Variants in CPQ observed in about 807,000 individuals in gnomAD.
The protein encoded by CPQ is carboxypeptidase Q.
Under a neutral mutation model 45.7 loss-of-function variants are expected in CPQ, and 37 were observed. The ratio of observed to expected loss-of-function variants is 0.81; its 90% confidence interval spans 0.62 to 1.07. CPQ has a LOEUF of 1.07. CPQ is among the 50% of genes least tolerant of loss of function. The pLI is 0.00. For synonymous variants in CPQ, 186 were observed against 205.8 expected, an observed-to-expected ratio of 0.90 and a Z score of 0.82; for missense variants, 537 against 572.9, an observed-to-expected ratio of 0.94 and a Z score of 0.64.
chr8:96,776,783 G>C (rs1156819191), intron 1 of CPQ, among the ~76,000 whole-genome samples: 1 of 152,074 alleles, frequency 6.6e-6, no homozygotes, highest in Non-Finnish European at 1.5e-5. Context: ...GGATTGTGAA[G>C]ACAATATATG....
At chr8:96,851,144 C>T (rs1305216489) in intron 3 of CPQ, among the ~76,000 whole-genome samples, 3 of 152,138 alleles carry the variant, frequency 2.0e-5, no homozygotes, top group Non-Finnish European at 4.4e-5. Flanking sequence ...GCTTTAGACA[C>T]ATTTTACACC....
At chr8:96,982,888 GGTT>G (rs1467418472) in intron 5 of CPQ, among the ~76,000 whole-genome samples, 12 of 152,128 alleles carry the variant, frequency 7.9e-5, no homozygotes, top group African/African-American at 2.9e-4. Context: ...TTTTTTGTAA[GGTT>G]GTTTTTTATT....
At chr8:96,795,227 A>T (rs1384473096) in intron 2 of CPQ, among the ~76,000 whole-genome samples, 2 of 152,244 alleles carry the variant, frequency 1.3e-5, no homozygotes, top group Non-Finnish European at 2.9e-5. Context: ...GGGAAGTCTC[A>T]CAATCATGGT....
intron 3 of CPQ, among the ~76,000 whole-genome samples, chr8:96,872,211 T>G (rs911742662): frequency 7.2e-5 from 11 of 152,058 alleles, no homozygotes; most frequent in African/African-American, 2.6e-4. Flanking sequence ...GTGTTTGAGA[T>G]ACACCTTATA....
intron 4 of CPQ, among the ~76,000 whole-genome samples, chr8:96,931,519 C>T (rs1812975532): frequency 6.6e-6 from 1 of 152,046 alleles, no homozygotes; most frequent in African/African-American, 2.4e-5. Flanking sequence ...TGATACACTC[C>T]TAGGATCACC....
intron 7 of CPQ, among the ~76,000 whole-genome samples, chr8:97,101,572 C>CTTTTTTTTTTTTTTTT (rs5893410): frequency 5.3e-5 from 6 of 114,210 alleles, no homozygotes; most frequent in East Asian, 2.6e-4. Context: ...TTTCTTTTTT[C>CTTTTTTTTTTTTTTTT]TTTTTTTTTT....
intron 6 of CPQ, among the ~76,000 whole-genome samples, chr8:97,039,392 G>C (rs913993539): frequency 9.9e-5 from 15 of 151,252 alleles, no homozygotes; most frequent in African/African-American, 3.6e-4. Context: ...CCATTGGTTT[G>C]CTTACACTAT....
intron 7 of CPQ, among the ~76,000 whole-genome samples, chr8:97,122,975 AT>A (rs1563586908): frequency 1.6e-4 from 13 of 80,280 alleles, no homozygotes; most frequent in African/African-American, 3.3e-4. Context: ...ATAAAATAAA[AT>A]AAAATTAAAA....
chr8:96,843,764 G>A (rs1811648572), intron 3 of CPQ, among the ~76,000 whole-genome samples: 1 of 152,152 alleles, frequency 6.6e-6, no homozygotes, highest in Admixed American at 6.5e-5. Context: ...GAATAATAAT[G>A]TAGATGAGGT....
At chr8:96,835,396 A>T (rs1418162832) in intron 3 of CPQ, among the ~76,000 whole-genome samples, 1 of 152,192 alleles carries the variant, frequency 6.6e-6, no homozygotes, top group Non-Finnish European at 1.5e-5. Flanking sequence ...CATTCCTTTA[A>T]AAAGCTTTAA....
intron 2 of CPQ, 82 bp from the exon 3 acceptor site, chr8:96,834,891 G>A: frequency 8.6e-7 from 1 of 1,164,584 alleles, no homozygotes; most frequent in Non-Finnish European, 1.2e-6. Flanking sequence ...AGCAGAAAGA[G>A]CATGTATGTG....
intron 1 of CPQ, among the ~76,000 whole-genome samples, chr8:96,745,780 A>G (rs1007286629): frequency 6.6e-6 from 1 of 152,260 alleles, no homozygotes; most frequent in African/African-American, 2.4e-5. Flanking sequence ...ATTAAAATTC[A>G]TAAAAAAGTA....
At chr8:96,768,669 A>G (rs1011338984) in intron 1 of CPQ, among the ~76,000 whole-genome samples, 6 of 152,234 alleles carry the variant, frequency 3.9e-5, no homozygotes, top group Non-Finnish European at 7.3e-5. Flanking sequence ...TTAGTGAAGC[A>G]GTATTTTCAT....
At chr8:96,966,799 C>T (rs761338583) in intron 5 of CPQ, among the ~76,000 whole-genome samples, 1 of 152,088 alleles carries the variant, frequency 6.6e-6, no homozygotes, top group African/African-American at 2.4e-5. Context: ...ACACTTTTAC[C>T]ATAATTACCA....
At chr8:96,806,542 A>G (rs1429449069) in intron 2 of CPQ, among the ~76,000 whole-genome samples, 1 of 152,236 alleles carries the variant, frequency 6.6e-6, no homozygotes, top group East Asian at 1.9e-4. Context: ...TCAGATTTAT[A>G]CAAGGAAATA....
chr8:97,005,471 G>A (rs540938158), intron 5 of CPQ, among the ~76,000 whole-genome samples: 39 of 152,074 alleles, frequency 2.6e-4, no homozygotes, highest in Admixed American at 9.2e-4. Flanking sequence ...GGAGGCTGAG[G>A]TGGGATAATT....
At chr8:96,783,036 CTCTAAGAAGT>C (rs1215428096) in intron 1 of CPQ, among the ~76,000 whole-genome samples, 1 of 152,186 alleles carries the variant, frequency 6.6e-6, no homozygotes, top group African/African-American at 2.4e-5. Flanking sequence ...CTCAAGTAAT[CTCTAAGAAGT>C]TCCCGACTTT....
intron 4 of CPQ, among the ~76,000 whole-genome samples, chr8:96,904,495 T>C (rs925211524): frequency 6.6e-6 from 1 of 152,208 alleles, no homozygotes; most frequent in Admixed American, 6.5e-5. Flanking sequence ...CTCTGACTTA[T>C]CATCTGGATG....
intron 4 of CPQ, among the ~76,000 whole-genome samples, chr8:96,923,304 G>A (rs951436358): frequency 6.6e-6 from 1 of 152,126 alleles, no homozygotes; most frequent in African/African-American, 2.4e-5. Flanking sequence ...GGTATTCAAA[G>A]GGAGTGCCTT....
Sources: allele counts gnomAD v4.1 joint callset (sites outside exome capture counted in the v4.1 genomes callset), GRCh38; gene constraint gnomAD v4.1.1; transcripts MANE v1.5; gene names NCBI Gene and HGNC (gene_info 2026-07-23, HGNC 2026-07-21).